The following RBMS3 variants were observed in gnomAD, a reference collection of about 807,000 sequenced individuals.
RBMS3 encodes RNA binding motif single stranded interacting protein 3, also known as RNA-binding motif, single-stranded-interacting protein 3.
In RBMS3, 27 loss-of-function variants were observed where a neutral mutation model predicts 66.8. The observed-to-expected ratio is 0.40, with a 90% CI of 0.30 to 0.56. RBMS3 has a LOEUF of 0.56. RBMS3 is among the 20% of genes least tolerant of loss of function. The pLI, the probability that RBMS3 is intolerant of heterozygous loss-of-function variation, is 0.40. For synonymous variants in RBMS3, 188 were observed against 183.0 expected, an observed-to-expected ratio of 1.03 and a Z score of -0.22; for missense variants, 513 against 549.5, an observed-to-expected ratio of 0.93 and a Z score of 0.66.
chr3:29,798,713 A>G (rs1007806309), intron 6 of RBMS3, among the ~76,000 whole-genome samples: 1 of 152,178 alleles, frequency 6.6e-6, no homozygotes, highest in African/African-American at 2.4e-5. Context: ...ACCTTAGCCT[A>G]TTTGAAACTA....
intron 1 of RBMS3, among the ~76,000 whole-genome samples, chr3:29,396,985 TTTA>T (rs1349741504): frequency 6.6e-6 from 1 of 152,186 alleles, no homozygotes. Flanking sequence ...TTTTTTATTA[TTTA>T]TTATTAATGA....
intron 12 of RBMS3, among the ~76,000 whole-genome samples, chr3:29,971,510 C>T (rs1413878775): frequency 2.0e-5 from 3 of 151,806 alleles, no homozygotes; most frequent in Non-Finnish European, 4.4e-5. Context: ...TCCTTTAATT[C>T]TCACCCTTAA....
At chr3:29,292,662 A>G (rs964353605) in intron 1 of RBMS3, among the ~76,000 whole-genome samples, 1 of 151,828 alleles carries the variant, frequency 6.6e-6, no homozygotes, top group African/African-American at 2.4e-5. Context: ...TGTCAATAGC[A>G]GCCTAGTAAA....
At chr3:29,696,220 G>A (rs929437741) in intron 4 of RBMS3, among the ~76,000 whole-genome samples, 12 of 152,136 alleles carry the variant, frequency 7.9e-5, no homozygotes, top group Non-Finnish European at 4.4e-5. Context: ...GTGACTTCAC[G>A]TGAGTTAGGC....
chr3:29,444,275 C>G (rs1288497850), intron 2 of RBMS3, among the ~76,000 whole-genome samples: 1 of 151,974 alleles, frequency 6.6e-6, no homozygotes, highest in Non-Finnish European at 1.5e-5. Context: ...TGCCAATTCC[C>G]ATTTTATAGG....
At chr3:29,477,759 T>C (rs2042999336) in intron 2 of RBMS3, among the ~76,000 whole-genome samples, 1 of 152,012 alleles carries the variant, frequency 6.6e-6, no homozygotes, top group South Asian at 2.1e-4. Context: ...ATAATGTTTA[T>C]TTTTTCTTTT....
intron 4 of RBMS3, among the ~76,000 whole-genome samples, chr3:29,617,757 T>G (rs1334011024): frequency 6.6e-6 from 1 of 152,206 alleles, no homozygotes; most frequent in Non-Finnish European, 1.5e-5. Context: ...AACTCTAAAC[T>G]CTTCCAGCTC....
At chr3:29,414,667 C>T (rs1283862884) in intron 1 of RBMS3, among the ~76,000 whole-genome samples, 1 of 152,114 alleles carries the variant, frequency 6.6e-6, no homozygotes, top group East Asian at 1.9e-4. Context: ...AATGTTAAAT[C>T]AGCCTCGCGA....
chr3:29,822,780 C>T (rs997877473), intron 6 of RBMS3, among the ~76,000 whole-genome samples: 4 of 152,228 alleles, frequency 2.6e-5, no homozygotes, highest in Admixed American at 6.6e-5. Flanking sequence ...TCATTAATAT[C>T]GCTGTTCATG....
At chr3:29,490,460 T>C (rs2043501333) in intron 3 of RBMS3, among the ~76,000 whole-genome samples, 1 of 152,140 alleles carries the variant, frequency 6.6e-6, no homozygotes, top group South Asian at 2.1e-4. Context: ...TACATACATG[T>C]TGAGTCTTCT....
chr3:29,632,032 C>G (rs12487854), intron 4 of RBMS3, among the ~76,000 whole-genome samples: 2 of 151,754 alleles, frequency 1.3e-5, no homozygotes, highest in African/African-American at 2.4e-5. Flanking sequence ...AATGAATGAC[C>G]GTTAGATTAG....
chr3:29,505,206 T>C (rs2044135506), intron 3 of RBMS3, among the ~76,000 whole-genome samples: 1 of 152,016 alleles, frequency 6.6e-6, no homozygotes, highest in Non-Finnish European at 1.5e-5. Context: ...TATTTACATT[T>C]TTAATCCCTT....
chr3:29,439,757 C>G (rs1008848331), intron 2 of RBMS3, among the ~76,000 whole-genome samples: 5 of 152,094 alleles, frequency 3.3e-5, no homozygotes, highest in Non-Finnish European at 5.9e-5. Context: ...ATCCCTCCCC[C>G]CTTTTTCTTA....
chr3:29,365,946 C>T (rs1169009016), intron 1 of RBMS3, among the ~76,000 whole-genome samples: 4 of 152,110 alleles, frequency 2.6e-5, no homozygotes, highest in African/African-American at 9.7e-5. Context: ...TGAGTACTCT[C>T]TGGGAACCTC....
chr3:29,799,280 C>A (rs192068297), intron 6 of RBMS3, among the ~76,000 whole-genome samples: 1 of 152,160 alleles, frequency 6.6e-6, no homozygotes, highest in African/African-American at 2.4e-5. Flanking sequence ...AACTGTCAAG[C>A]CTTTCACTTT....
intron 10 of RBMS3, among the ~76,000 whole-genome samples, chr3:29,923,538 TG>T (rs2060849651): frequency 1.3e-5 from 2 of 152,142 alleles, no homozygotes; most frequent in African/African-American, 2.4e-5. Context: ...TCAAGTCACC[TG>T]ATTTTGCTGA....
chr3:29,737,798 T>C (rs2149346059), intron 4 of RBMS3, among the ~76,000 whole-genome samples: 1 of 151,520 alleles, frequency 6.6e-6, no homozygotes, highest in Non-Finnish European at 1.5e-5. Flanking sequence ...CAGTTACTGG[T>C]GGTGATATTG....
At chr3:29,431,301 C>CTTTTTT (rs548031550) in intron 1 of RBMS3, among the ~76,000 whole-genome samples, 47,757 of 131,884 alleles carry the variant, frequency 0.36, 9,518 homozygotes, top group Admixed American at 0.45. Context: ...TTTTCCTTTT[C>CTTTTTT]TTTTTTTTTT....
At chr3:29,794,690 G>A (rs546032753) in intron 6 of RBMS3, among the ~76,000 whole-genome samples, 1 of 152,292 alleles carries the variant, frequency 6.6e-6, no homozygotes, top group East Asian at 1.9e-4. Context: ...ATTTGAGACT[G>A]TAAGTGAATC....
Sources: gnomAD v4.1 joint callset for allele counts (sites outside exome capture counted in the v4.1 genomes callset) on GRCh38, gnomAD v4.1.1 for gene constraint, MANE v1.5 for transcripts, NCBI Gene and HGNC (gene_info 2026-07-23, HGNC 2026-07-21) for gene names.